DAAM2: variants seen among roughly 807,000 people sequenced by gnomAD.
DAAM2 encodes disheveled-associated activator of morphogenesis 2.
In DAAM2, 39 loss-of-function variants were observed where a neutral mutation model predicts 120.7. That is an observed-to-expected ratio of 0.32 (90% CI 0.25 to 0.42). DAAM2 has a LOEUF of 0.42. Ranked by LOEUF, DAAM2 falls within the 10% of genes least tolerant of loss-of-function variation. The pLI, the probability that DAAM2 is intolerant of heterozygous loss-of-function variation, is 1.00. For missense variants in DAAM2, 1,283 were observed against 1,401.7 expected, an observed-to-expected ratio of 0.92 and a Z score of 1.35; for synonymous variants, 488 against 524.9, an observed-to-expected ratio of 0.93 and a Z score of 0.96.
At chr6:39,796,385 G>A (rs982213832) in intron 1 of DAAM2, among the ~76,000 whole-genome samples, 1 of 152,060 alleles carries the variant, frequency 6.6e-6, no homozygotes, top group Non-Finnish European at 1.5e-5. Context: ...GCCCAGAGCG[G>A]GGGTCAGTGA....
At chr6:39,834,061 C>T (rs1418209591) in intron 1 of DAAM2, among the ~76,000 whole-genome samples, 1 of 152,184 alleles carries the variant, frequency 6.6e-6, no homozygotes, top group Non-Finnish European at 1.5e-5. Flanking sequence ...CGTCGTATGC[C>T]TGAGGCTTTT....
chr6:39,882,243 C>T (rs193185478), intron 14 of DAAM2: 2 of 152,204 alleles, frequency 1.3e-5, no homozygotes, highest in East Asian at 3.9e-4. Flanking sequence ...ACAGACTTAC[C>T]GCTCTCTGGC....
At chr6:39,861,105 A>G in intron 3 of DAAM2, 88 bp downstream of exon 3, 1 of 959,014 alleles carries the variant, frequency 1.0e-6, no homozygotes, top group Non-Finnish European at 1.7e-6. Flanking sequence ...CATTCACCTG[A>G]TGTTTATTAC....
At chr6:39,802,704 A>G (rs1345359637) in intron 1 of DAAM2, among the ~76,000 whole-genome samples, 1 of 152,194 alleles carries the variant, frequency 6.6e-6, no homozygotes, top group East Asian at 1.9e-4. Flanking sequence ...ACTCTCTACC[A>G]AAGAAAGAAA....
chr6:39,807,828 T>C lies in DAAM2; in HGVS notation c.-57+15363T>C, dbSNP rs376422178. Among the ~76,000 whole-genome samples the C allele has an allele frequency of 4.5e-3, 688 of 152,288 alleles. 5 individuals are homozygous for C. The highest frequency in any genetic ancestry group is 0.016 in the African/African-American group (646 of 41,536). ...CACTGCACCAGGCCTAGTTTATTAT[T>C]ATTTATATTTTTTAGATATCTAAAA... On this transcript the variant is annotated intron_variant, in intron 1 of 24. Coordinates refer to ENST00000274867, the MANE Select transcript of DAAM2 (RefSeq NM_001201427.2).
rs374081592 is a variant in DAAM2 at position 39,901,935 on chromosome 6, C to T, written c.3105C>T (p.Val1035=). The change falls in exon 25 of 25, where the codon GTC becomes GTT. Residue 1035 remains valine (V), a synonymous_variant. Coordinates refer to ENST00000274867, the MANE Select transcript of DAAM2 (RefSeq NM_001201427.2). The surrounding 1 kb of genome is among the most constrained non-coding windows in gnomAD (Gnocchi z 4.5). ...DLVSALRSGE[V]FDKDLCKLKR... is the part of the protein sequence containing the mutation. ...TGTCGGCCCTGCGCTCTGGGGAGGT[C>T]TTCGACAAGGACTTATGCAAGCTCA... 6.8e-6 allele frequency: 11 copies of T among 1,611,608 alleles called. No homozygotes were observed. The highest frequency in any genetic ancestry group is 1.3e-5 in the African/African-American group (1 of 74,876).
chr6:39,829,199 G>T (rs368300700), intron 1 of DAAM2, among the ~76,000 whole-genome samples: 1 of 152,360 alleles, frequency 6.6e-6, no homozygotes, highest in Middle Eastern at 3.4e-3. Context: ...GTTGATGGCA[G>T]GGGCCTGGGG....
chr6:39,861,435 G>T, intron 3 of DAAM2: 1 of 340,120 alleles, frequency 2.9e-6, no homozygotes, highest in Non-Finnish European at 5.8e-6. Flanking sequence ...CCCAGGCTAG[G>T]GCTCACACAT....
At chr6:39,807,518 A>G (rs1294488249) in intron 1 of DAAM2, among the ~76,000 whole-genome samples, 1 of 151,948 alleles carries the variant, frequency 6.6e-6, no homozygotes, top group African/African-American at 2.4e-5. Flanking sequence ...GGGTATACAA[A>G]TGTTTATTTT....
intron 1 of DAAM2, among the ~76,000 whole-genome samples, chr6:39,829,987 T>C (rs1008396695): frequency 6.6e-6 from 1 of 152,174 alleles, no homozygotes; most frequent in Non-Finnish European, 1.5e-5. Flanking sequence ...AGACCCTTCA[T>C]CCATACTCTC....
intron 1 of DAAM2, chr6:39,820,363 A>T (rs967204662): frequency 5.3e-4 from 80 of 152,316 alleles, no homozygotes; most frequent in African/African-American, 1.7e-3. Context: ...AGAAGCTATT[A>T]TTTTAATTTT....
chr6:39,817,832 A>T (rs530383910), intron 1 of DAAM2, among the ~76,000 whole-genome samples: 1 of 152,262 alleles, frequency 6.6e-6, no homozygotes, highest in African/African-American at 2.4e-5. Flanking sequence ...TATGGAGGGT[A>T]ATCTGCTTTA....
chr6:39,815,887 A>G (rs757177749), intron 1 of DAAM2, among the ~76,000 whole-genome samples: 1 of 152,158 alleles, frequency 6.6e-6, no homozygotes, highest in Non-Finnish European at 1.5e-5. Context: ...CCTCTTTATT[A>G]TGTTGAGTAA....
intron 7 of DAAM2, among the ~76,000 whole-genome samples, chr6:39,869,780 T>TTTA (rs1554181763): frequency 8.8e-4 from 87 of 99,224 alleles, no homozygotes; most frequent in Non-Finnish European, 1.0e-3. Context: ...TTTTTTTTTT[T>TTTA]AAAAACAATT....
chr6:39,868,158 C>G, intron 6 of DAAM2: 1 of 367,542 alleles, frequency 2.7e-6, no homozygotes, highest in Non-Finnish European at 5.1e-6. Context: ...ACCTCAACAC[C>G]TGGCTCATGA....
chr6:39,795,977 G>T (rs1252096085), intron 1 of DAAM2, among the ~76,000 whole-genome samples: 1 of 152,128 alleles, frequency 6.6e-6, no homozygotes, highest in Admixed American at 6.5e-5. Context: ...GATCTTGAAG[G>T]ACAAGCCTGA....
chr6:39,880,463 G>T (rs1765068672), intron 14 of DAAM2, among the ~76,000 whole-genome samples: 2 of 152,184 alleles, frequency 1.3e-5, no homozygotes, highest in African/African-American at 4.8e-5. Context: ...CTTTTGTAAA[G>T]CTTTGTGCTG....
In DAAM2 at chr6:39,829,366, G is replaced by C. The variant is rs139743133; in HGVS notation, c.-56-26881G>C. ...CTGGCCATTATCCTCAGTGGTGTGT[G>C]ATTCTTGCGGCTTTTCCCAGGGTGT... is the stretch of plus-strand genomic sequence containing the variant. On this transcript the variant is annotated intron_variant, in intron 1 of 24. Coordinates refer to ENST00000274867, the MANE Select transcript of DAAM2 (RefSeq NM_001201427.2). 1.6e-3 allele frequency among the ~76,000 whole-genome samples: 242 copies of C among 152,302 alleles called. 1 individual carries two copies. The highest frequency in any genetic ancestry group is 2.8e-3 in the Admixed American group (43 of 15,290).
intron 1 of DAAM2, among the ~76,000 whole-genome samples, chr6:39,834,472 C>T (rs1400577456): frequency 1.3e-5 from 2 of 152,200 alleles, no homozygotes; most frequent in East Asian, 1.9e-4. Flanking sequence ...GAGCCTGGTA[C>T]AGCCCTGACT....
Sources: gnomAD v4.1 joint callset for allele counts (sites outside exome capture counted in the v4.1 genomes callset) on GRCh38, gnomAD v4.1.1 for gene constraint, Gnocchi (gnomAD v3.1) non-coding constraint, MANE v1.5 for transcripts, NCBI Gene and HGNC (gene_info 2026-07-23, HGNC 2026-07-21) for gene names.